Variants in CRHR1 observed in about 807,000 individuals in gnomAD.
The protein encoded by CRHR1 is corticotropin releasing hormone receptor 1, also known as corticotropin-releasing hormone receptor 1.
Under a neutral mutation model 56.0 loss-of-function variants are expected in CRHR1, and 28 were observed. The ratio of observed to expected loss-of-function variants is 0.50; its 90% CI spans 0.37 to 0.69. The LOEUF (loss-of-function observed/expected upper bound fraction) is 0.69, where lower values mean the gene tolerates loss of function less well. Among genes scored for constraint, CRHR1 ranks in the 30% least tolerant of loss-of-function variants. The pLI is 0.00. For synonymous variants in CRHR1, 195 were observed against 216.5 expected (o/e 0.90, Z 0.87); for missense variants, 376 against 548.0 (o/e 0.69, Z 3.13).
chr17:45,828,816 G>A (rs1193071294), intron 4 of CRHR1, among the ~76,000 whole-genome samples: 4 of 152,348 alleles, frequency 2.6e-5, no homozygotes, highest in East Asian at 3.9e-4. Flanking sequence ...GAGAAATCCC[G>A]GGAGTTTGGT....
intron 1 of CRHR1, among the ~76,000 whole-genome samples, chr17:45,791,543 C>G (rs909854780): frequency 6.6e-6 from 1 of 152,170 alleles, no homozygotes; most frequent in African/African-American, 2.4e-5. Flanking sequence ...TCCAAGAGAG[C>G]CTATGCCCGG....
chr17:45,817,928 A>G (rs2061961993), intron 3 of CRHR1, among the ~76,000 whole-genome samples: 1 of 152,134 alleles, frequency 6.6e-6, no homozygotes, highest in Non-Finnish European at 1.5e-5. Context: ...TAATAAGGAA[A>G]TTGAGGCACA....
At chr17:45,815,161 G>A (rs1002922335) in intron 2 of CRHR1, among the ~76,000 whole-genome samples, 2 of 152,230 alleles carry the variant, frequency 1.3e-5, no homozygotes, top group African/African-American at 4.8e-5. Context: ...CACACGCGCT[G>A]GTTCATGGTT....
chr17:45,809,529 T>C (rs1228237367), intron 2 of CRHR1, among the ~76,000 whole-genome samples: 7 of 152,242 alleles, frequency 4.6e-5, no homozygotes, highest in African/African-American at 1.4e-4. Flanking sequence ...TGATTTGTAC[T>C]CTGTGCCCGT....
chr17:45,819,521 GC>G (rs2061998062), intron 3 of CRHR1, among the ~76,000 whole-genome samples: 3 of 146,940 alleles, frequency 2.0e-5, no homozygotes. Flanking sequence ...TTTCAGAGCA[GC>G]CTCTGGTCCC....
chr17:45,822,626 A>C (rs2062066418), intron 4 of CRHR1, among the ~76,000 whole-genome samples: 2 of 152,190 alleles, frequency 1.3e-5, no homozygotes, highest in African/African-American at 4.8e-5. Context: ...GTCCAGAGGC[A>C]GATCTCCTGA....
At chr17:45,796,688 G>A (rs1010447487) in intron 1 of CRHR1, among the ~76,000 whole-genome samples, 1 of 152,156 alleles carries the variant, frequency 6.6e-6, no homozygotes, top group Non-Finnish European at 1.5e-5. Flanking sequence ...GACTTGCAGG[G>A]GTCGAGAAGG....
At chr17:45,800,605 G>A (rs1349161164) in intron 1 of CRHR1, 4 of 152,296 alleles carry the variant, frequency 2.6e-5, no homozygotes, top group African/African-American at 9.6e-5. Context: ...AGGATGTTGA[G>A]TCTCAGAGGA....
At chr17:45,811,091 G>A in intron 2 of CRHR1, among the ~76,000 whole-genome samples, 1 of 152,268 alleles carries the variant, frequency 6.6e-6, no homozygotes, top group Admixed American at 6.5e-5. Context: ...GCTGATGGGA[G>A]ACCCGACGTA....
chr17:45,830,983 C>A (rs772106835), intron 8 of CRHR1, 43 bp downstream of exon 8: 1 of 1,594,770 alleles, frequency 6.3e-7, no homozygotes, highest in South Asian at 1.1e-5. Context: ...GGTTTAGGCT[C>A]CCAGCCCAGC....
At chr17:45,796,980 A>G (rs1232920786) in intron 1 of CRHR1, among the ~76,000 whole-genome samples, 2 of 152,234 alleles carry the variant, frequency 1.3e-5, no homozygotes, top group Non-Finnish European at 2.9e-5. Flanking sequence ...GGCAGAAATG[A>G]AGGGAAGACA....
At chr17:45,797,592 A>G (rs898460849) in intron 1 of CRHR1, among the ~76,000 whole-genome samples, 2 of 152,004 alleles carry the variant, frequency 1.3e-5, no homozygotes, top group African/African-American at 2.4e-5. Context: ...GCAGTTTTAT[A>G]TGCACCATAT....
chr17:45,833,517 G>A lies in CRHR1; in HGVS notation c.909G>A (p.Thr303=), dbSNP rs540747980. ...ILMTKLRAST[T]SETIQYRKAV... The stretch of plus-strand genomic sequence containing the variant: ...TGACCAAGCTCCGGGCATCCACCAC[G>A]TCTGAGACCATTCAGTACAGGTAAC... The change falls in exon 10 of 13, where the codon ACG becomes ACA. Residue 303 remains threonine, a synonymous_variant. Transcript: ENST00000314537. 1.8e-5 allele frequency: 29 copies of A among 1,613,962 alleles called. No homozygotes were observed. The highest frequency in any genetic ancestry group is 3.3e-5 in the Admixed American group (2 of 60,022).
At chr17:45,833,693 T>TGGGGGGGGCGGCC in intron 10 of CRHR1, 21 bp from the exon 11 acceptor site, 1 of 1,571,618 alleles carries the variant, frequency 6.4e-7, no homozygotes, top group Non-Finnish European at 8.7e-7. Context: ...ACTCCGAGCC[T>TGGGGGGGGCGGCC]CCCCACCCGC....
Position 45,828,737 on chromosome 17 carries a change from G to A in CRHR1, c.328-478G>A, listed in dbSNP as rs573455105. On this transcript the variant is annotated intron_variant, in intron 4 of 12. Coordinates refer to ENST00000314537, the MANE Select transcript of CRHR1 (RefSeq NM_004382.5). ...CCCCTCCTTGCTCACAGGAGCAGGC[G>A]GCATTGCAGCAGGAGGGATTTAGGG... Among the ~76,000 whole-genome samples the A allele has an allele frequency of 1.9e-4, 29 of 152,334 alleles. No individual in the cohort carries two copies. In the South Asian group the frequency reaches 5.4e-3, roughly 28 times the overall value.
chr17:45,785,571 A>G (rs905785693), intron 1 of CRHR1, among the ~76,000 whole-genome samples: 4 of 152,212 alleles, frequency 2.6e-5, no homozygotes, highest in Admixed American at 6.5e-5. Context: ...CGCTCCAGCC[A>G]CAAACATAGA....
At chr17:45,829,550 C>G (rs2062245066) in intron 5 of CRHR1, 3 of 1,547,896 alleles carry the variant, frequency 1.9e-6, no homozygotes, top group Non-Finnish European at 2.6e-6. Context: ...TCTTATGTCA[C>G]CCATACCCAG....
Position 45,829,296 on chromosome 17 carries a change from GC to G in CRHR1, c.411del (p.Phe138LeufsTer37). 1.2e-6 allele frequency: 2 copies of G among 1,614,002 alleles called. No homozygotes were observed. The highest frequency in any genetic ancestry group is 1.7e-6 in the Non-Finnish European group (2 of 1,180,014). On this transcript the variant is annotated frameshift_variant, in exon 5 of 13. Transcript: ENST00000314537. LOFTEE classifies it high-confidence loss of function. ...HCISLVALLV[A>X]FVLFLRLRSI... Reference sequence around the variant, plus strand: ...TATCTCCCTGGTGGCCCTCCTGGTGGCCTTTGTCCTCTTTCTGCGGCTCAGG... The same window carrying G: ...TATCTCCCTGGTGGCCCTCCTGGTGGCTTTGTCCTCTTTCTGCGGCTCAGG...
intron 2 of CRHR1, among the ~76,000 whole-genome samples, chr17:45,813,366 G>C (rs2061862410): frequency 6.6e-6 from 1 of 152,036 alleles, no homozygotes; most frequent in Non-Finnish European, 1.5e-5. Flanking sequence ...CTCGGGGATG[G>C]GGGAACTTTG....
Sources: gnomAD v4.1 joint callset for allele counts (sites outside exome capture counted in the v4.1 genomes callset) on GRCh38, gnomAD v4.1.1 for gene constraint, MANE v1.5 for transcripts, NCBI Gene and HGNC (gene_info 2026-07-23, HGNC 2026-07-21) for gene names.